Variants in LINGO2 observed in about 807,000 individuals in gnomAD.
LINGO2 encodes leucine-rich repeat and immunoglobulin-like domain-containing nogo receptor-interacting protein 2.
LINGO2 carries 14 observed loss-of-function variants against 30.6 expected under a neutral mutation model. The observed-to-expected ratio is 0.46, with a 90% CI of 0.30 to 0.72. The LOEUF (loss-of-function observed/expected upper bound fraction) is 0.72. Among genes scored for constraint, LINGO2 ranks in the 30% least tolerant of loss-of-function variants. LINGO2 has a pLI of 0.07. For synonymous variants in LINGO2, 317 were observed against 288.5 expected (o/e 1.10, Z -1.00); for missense variants, 729 against 751.7 (o/e 0.97, Z 0.35).
chr9:29,144,909 T>C, the LINGO2 span, among the ~76,000 whole-genome samples: 3 of 152,186 alleles, frequency 2.0e-5, no homozygotes, highest in Admixed American at 2.0e-4. Flanking sequence ...GCTGCAGGCA[T>C]CAACAGTTTT....
At chr9:28,640,614 G>T (rs998727972) in intron 1 of LINGO2, among the ~76,000 whole-genome samples, 11 of 150,230 alleles carry the variant, frequency 7.3e-5, no homozygotes, top group African/African-American at 2.5e-4. Flanking sequence ...CCAGTTGATC[G>T]AATCGGCTAC....
rs755919241 is a variant in LINGO2, at chr9:28,458,848, T to C, written c.-279+17092A>G. 2.0e-5 allele frequency among the ~76,000 whole-genome samples: 3 copies of C among 152,200 alleles called. No individual in the cohort carries two copies. In the Middle Eastern group the frequency reaches 0.01, roughly 518 times the overall value. ...CTCACCTTGAACTTTGCTCAAAAAATCCATACTCTAAAAATTGGAGAATAG... is the reference window on the plus strand; with the variant it reads ...CTCACCTTGAACTTTGCTCAAAAAACCCATACTCTAAAAATTGGAGAATAG... On this transcript the variant is annotated intron_variant, in intron 2 of 5. Transcript: ENST00000379992.
At chr9:28,956,973 G>A in the LINGO2 span, among the ~76,000 whole-genome samples, 5 of 151,556 alleles carry the variant, frequency 3.3e-5, no homozygotes, top group African/African-American at 7.3e-5. Context: ...GCCAAACTTC[G>A]TACTTGCTAA....
the LINGO2 span, among the ~76,000 whole-genome samples, chr9:29,013,946 T>C: frequency 6.6e-6 from 1 of 152,146 alleles, no homozygotes; most frequent in Non-Finnish European, 1.5e-5. Flanking sequence ...CTCCTCAAAA[T>C]TTTTATTGCT....
intron 2 of LINGO2, among the ~76,000 whole-genome samples, chr9:28,455,183 G>A (rs1824797618): frequency 6.6e-6 from 1 of 151,868 alleles, no homozygotes; most frequent in African/African-American, 2.4e-5. Flanking sequence ...GAGACACAAT[G>A]GGAGACATCG....
At chr9:28,992,180 G>A in the LINGO2 span, among the ~76,000 whole-genome samples, 1 of 151,316 alleles carries the variant, frequency 6.6e-6, no homozygotes, top group Non-Finnish European at 1.5e-5. Context: ...GATCTACCAA[G>A]CAAATGGAAA....
chr9:28,808,044 CATA>C, the LINGO2 span, among the ~76,000 whole-genome samples: 1 of 152,168 alleles, frequency 6.6e-6, no homozygotes, highest in Non-Finnish European at 1.5e-5. Context: ...TTAGAATCAT[CATA>C]ATGACTAAAA....
At chr9:28,335,086 T>C (rs983446697) in intron 3 of LINGO2, among the ~76,000 whole-genome samples, 7 of 152,252 alleles carry the variant, frequency 4.6e-5, no homozygotes, top group African/African-American at 1.7e-4. Flanking sequence ...ATAATTATTT[T>C]TAAATTCCTT....
chr9:28,289,845 A>G (rs1324170927), intron 4 of LINGO2, among the ~76,000 whole-genome samples: 3 of 152,306 alleles, frequency 2.0e-5, no homozygotes, highest in African/African-American at 7.2e-5. Context: ...CAGGCTAGAA[A>G]CCAGGAAGCA....
At position 28,160,702 on chromosome 9, in the gene LINGO2, C is replaced by G. The variant is rs79255746; in HGVS notation, c.-87+134506G>C. Among the ~76,000 whole-genome samples the G allele has an allele frequency of 7.0e-4, 107 of 152,002 alleles. 4 individuals are homozygous for G. The East Asian group carries it at 0.019, about 27-fold the overall frequency. On this transcript the variant is annotated intron_variant, in intron 4 of 5. Transcript: ENST00000379992. ...GCTTCTAAAGAACAGTAATTTTTTC[C>G]CTATTTTTTGTTATTCTATCCTCAG...
chr9:28,441,251 C>CTCTTTTTTTTTT (rs1824182797), intron 2 of LINGO2, among the ~76,000 whole-genome samples: 1 of 36,262 alleles, frequency 2.8e-5, no homozygotes, highest in African/African-American at 9.3e-5. Context: ...TCATTGGAGG[C>CTCTTTTTTTTTT]TTTTTTTTTT....
At chr9:28,090,581 A>G (rs899504853) in intron 4 of LINGO2, among the ~76,000 whole-genome samples, 2 of 152,170 alleles carry the variant, frequency 1.3e-5, no homozygotes, top group African/African-American at 2.4e-5. Context: ...AATAAGAGCT[A>G]TTTATGACAA....
the LINGO2 span, among the ~76,000 whole-genome samples, chr9:29,024,993 AG>A: frequency 3.3e-5 from 5 of 152,144 alleles, no homozygotes; most frequent in East Asian, 9.6e-4. Flanking sequence ...TTATCAAAAA[AG>A]AAAAAAACAG....
At chr9:28,056,069 A>G (rs1901566) in intron 4 of LINGO2, among the ~76,000 whole-genome samples, 143,413 of 152,280 alleles carry the variant, frequency 0.94, 67,759 homozygotes, top group Non-Finnish European at 0.98. Flanking sequence ...TCCAGAGAAA[A>G]AAGAAAGGAG....
chr9:27,940,533 A>G, the LINGO2 span: 1 of 152,214 alleles, frequency 6.6e-6, no homozygotes, highest in African/African-American at 2.4e-5. Flanking sequence ...CCTGTGTTTT[A>G]GGTCTGATAA....
intron 2 of LINGO2, among the ~76,000 whole-genome samples, chr9:28,473,562 T>A (rs1825613037): frequency 6.6e-6 from 1 of 152,076 alleles, no homozygotes; most frequent in Non-Finnish European, 1.5e-5. Context: ...TCTTCCTTCC[T>A]TTCTTCCCTT....
At chr9:28,510,090 G>A (rs1203696705) in intron 1 of LINGO2, among the ~76,000 whole-genome samples, 3 of 152,278 alleles carry the variant, frequency 2.0e-5, no homozygotes, top group African/African-American at 7.2e-5. Context: ...ATTAGGGCTT[G>A]GAAATGTGAA....
At chr9:28,004,865 C>G (rs993840060) in intron 5 of LINGO2, among the ~76,000 whole-genome samples, 1 of 152,074 alleles carries the variant, frequency 6.6e-6, no homozygotes, top group Non-Finnish European at 1.5e-5. Flanking sequence ...GTTTTGGTAG[C>G]AGGTATGTAT....
chr9:28,098,063 G>C (rs774797299), intron 4 of LINGO2, among the ~76,000 whole-genome samples: 1 of 152,078 alleles, frequency 6.6e-6, no homozygotes, highest in Non-Finnish European at 1.5e-5. Flanking sequence ...CCAATACTAC[G>C]GGAGGCCGTG....
Sources: allele counts gnomAD v4.1 joint callset (sites outside exome capture counted in the v4.1 genomes callset), GRCh38; gene constraint gnomAD v4.1.1; transcripts MANE v1.5; gene names NCBI Gene and HGNC (gene_info 2026-07-23, HGNC 2026-07-21).